The following ANKRD44 variants were observed in gnomAD, a reference collection of about 807,000 sequenced individuals.
ANKRD44 encodes serine/threonine-protein phosphatase 6 regulatory ankyrin repeat subunit B.
In ANKRD44, 35 loss-of-function variants were observed where a neutral mutation model predicts 116.0. That is an observed-to-expected ratio of 0.30 (90% CI 0.23 to 0.40). The LOEUF is 0.40. Ranked by LOEUF, ANKRD44 falls within the 10% of genes least tolerant of loss-of-function variation. ANKRD44 has a pLI of 1.00. For missense variants in ANKRD44, 1,014 were observed against 1,242.6 expected (o/e 0.82, Z 2.77); for synonymous variants, 435 against 461.8 (o/e 0.94, Z 0.74).
intron 16 of ANKRD44, among the ~76,000 whole-genome samples, chr2:197,066,296 A>G (rs1292924679): frequency 6.6e-6 from 1 of 152,216 alleles, no homozygotes; most frequent in African/African-American, 2.4e-5. Context: ...ATCTCAAAAT[A>G]TTAAGAGCTA....
chr2:197,292,971 G>A (rs1419917313), intron 1 of ANKRD44, among the ~76,000 whole-genome samples: 1 of 152,102 alleles, frequency 6.6e-6, no homozygotes, highest in Non-Finnish European at 1.5e-5. Flanking sequence ...ATCTGTTCAT[G>A]TCATGACACA....
intron 1 of ANKRD44, among the ~76,000 whole-genome samples, chr2:197,204,252 TG>T (rs919362472): frequency 6.6e-6 from 1 of 152,118 alleles, no homozygotes; most frequent in African/African-American, 2.4e-5. Context: ...CATATAAATA[TG>T]CACAGAAAAA....
Position 196,988,808 on chromosome 2 carries a change from C to T in ANKRD44, c.*783G>A. On this transcript the variant is annotated 3_prime_UTR_variant, in exon 28 of 28. Coordinates refer to ENST00000282272, the MANE Select transcript of ANKRD44 (RefSeq NM_001195144.2). ...TTTATTTCTCCTTTTGGCACATGTG[C>T]CCACACACTGCCATCATTTCTCATC... 1 of 985,394 alleles carries T rather than the reference C, an allele frequency of 1.0e-6. No homozygotes were observed. Among genetic ancestry groups the T allele is most frequent in the Non-Finnish European group, 1.2e-6 (1 of 829,930 alleles). The allele number at this position is 985,394 out of a possible 1,614,324, so 61.0% of individuals were successfully genotyped here.
At chr2:197,098,724 T>C (rs148112200) in intron 10 of ANKRD44, among the ~76,000 whole-genome samples, 5 of 152,340 alleles carry the variant, frequency 3.3e-5, no homozygotes, top group Admixed American at 6.5e-5. Context: ...ATATAGATCT[T>C]ACCAGATACC....
chr2:197,294,873 A>G (rs1402231746), intron 1 of ANKRD44, among the ~76,000 whole-genome samples: 1 of 152,186 alleles, frequency 6.6e-6, no homozygotes, highest in African/African-American at 2.4e-5. Flanking sequence ...ATATATAAGA[A>G]GTAAAGATCT....
At position 197,021,176 on chromosome 2, in the gene ANKRD44, T is replaced by C. The variant is rs142504582; in HGVS notation, c.1722+4020A>G. Among the ~76,000 whole-genome samples, 1,058 of 152,346 alleles carry C rather than the reference T, an allele frequency of 6.9e-3. 7 individuals carry two copies. Among genetic ancestry groups the C allele is most frequent in the Non-Finnish European group, 0.012 (803 of 68,018 alleles). ...TAGTCCACGGTGTATATGTGCCACA[T>C]TTGCTTAATCCAGCCTATCATTGAT... On this transcript the variant is annotated intron_variant, in intron 17 of 27. Coordinates refer to ENST00000282272, the MANE Select transcript of ANKRD44 (RefSeq NM_001195144.2).
chr2:197,219,124 C>T (rs1308650607), intron 1 of ANKRD44, among the ~76,000 whole-genome samples: 1 of 145,660 alleles, frequency 6.9e-6, no homozygotes, highest in African/African-American at 2.6e-5. Flanking sequence ...GGCTGGAGTG[C>T]AGTGGTGCGA....
chr2:197,165,625 A>G (rs185158432), intron 2 of ANKRD44, among the ~76,000 whole-genome samples: 142 of 152,328 alleles, frequency 9.3e-4, no homozygotes, highest in African/African-American at 3.3e-3. Context: ...CTAGAAGATG[A>G]TGGATAAGTT....
At chr2:196,993,510 T>G in intron 27 of ANKRD44, 73 bp downstream of exon 27, 1 of 1,244,374 alleles carries the variant, frequency 8.0e-7, no homozygotes, top group South Asian at 1.3e-5. Flanking sequence ...CTAGCTCCTA[T>G]CTTTCTCATT....
intron 16 of ANKRD44, among the ~76,000 whole-genome samples, chr2:197,057,499 A>C (rs547186290): frequency 6.6e-6 from 1 of 151,984 alleles, no homozygotes; most frequent in Non-Finnish European, 1.5e-5. Context: ...AAATTAAGAG[A>C]TCTTTATTCT....
At chr2:197,079,994 C>A (rs191635641) in intron 15 of ANKRD44, among the ~76,000 whole-genome samples, 9 of 152,230 alleles carry the variant, frequency 5.9e-5, no homozygotes, top group East Asian at 5.8e-4. Context: ...ATTCTCTCTT[C>A]GGTCATTTGC....
intron 1 of ANKRD44, among the ~76,000 whole-genome samples, chr2:197,290,387 T>A (rs368854473): frequency 1.3e-5 from 2 of 152,340 alleles, no homozygotes; most frequent in Admixed American, 6.5e-5. Flanking sequence ...TTGTGGGCTG[T>A]TTGTATATCT....
At chr2:197,220,059 ACT>A (rs928082760) in intron 1 of ANKRD44, among the ~76,000 whole-genome samples, 27 of 152,238 alleles carry the variant, frequency 1.8e-4, no homozygotes, top group East Asian at 1.9e-4. Flanking sequence ...TCAGCAGAAA[ACT>A]CTATGCAAAT....
chr2:197,009,504 G>A (rs13425253), intron 18 of ANKRD44, among the ~76,000 whole-genome samples: 25,039 of 151,888 alleles, frequency 0.16, 2,266 homozygotes, highest in African/African-American at 0.24. Context: ...CGAGTAGCTG[G>A]GATTATAGGC....
chr2:197,228,785 C>T (rs1452843960), intron 1 of ANKRD44, among the ~76,000 whole-genome samples: 1 of 152,222 alleles, frequency 6.6e-6, no homozygotes, highest in African/African-American at 2.4e-5. Flanking sequence ...CCTGTAATCC[C>T]AGCACTTTGG....
intron 1 of ANKRD44, among the ~76,000 whole-genome samples, chr2:197,215,579 T>C (rs1456223092): frequency 6.6e-6 from 1 of 152,192 alleles, no homozygotes; most frequent in East Asian, 1.9e-4. Flanking sequence ...ATGGCTTCAA[T>C]TAAATGAAAT....
rs1438897627 is a variant in ANKRD44, at chr2:197,212,810, C to G, written c.28-25704G>C. Among the ~76,000 whole-genome samples the G allele has an allele frequency of 1.3e-5, 2 of 152,148 alleles. No homozygotes were observed. The highest frequency in any genetic ancestry group is 2.9e-5 in the Non-Finnish European group (2 of 68,024). On this transcript the variant is annotated intron_variant, in intron 1 of 27. Transcript: ENST00000282272. This position sits in a 1 kb window ranked among gnomAD's most constrained non-coding sequence, Gnocchi z 4.8. Reference sequence around the variant, plus strand: ...TACACACACAAACACACACTTCAATCAGGAACTCGGTGATCACATGCCCAC... The same window carrying G: ...TACACACACAAACACACACTTCAATGAGGAACTCGGTGATCACATGCCCAC...
intron 3 of ANKRD44, among the ~76,000 whole-genome samples, chr2:197,141,607 T>A (rs1311598877): frequency 1.3e-5 from 2 of 152,172 alleles, no homozygotes. Context: ...CAGAGTCCCT[T>A]GAGAAATTTC....
At chr2:196,999,113 GC>G in intron 23 of ANKRD44, 61 bp from the exon 24 acceptor site, 2 of 1,580,748 alleles carry the variant, frequency 1.3e-6, no homozygotes, top group Non-Finnish European at 1.7e-6. Context: ...GCTAGTTACT[GC>G]CCAAGAAACA....
Sources: allele counts gnomAD v4.1 joint callset (sites outside exome capture counted in the v4.1 genomes callset), GRCh38; gene constraint gnomAD v4.1.1; non-coding constraint Gnocchi (gnomAD v3.1); transcripts MANE v1.5; gene names NCBI Gene and HGNC (gene_info 2026-07-23, HGNC 2026-07-21).